TTC7B: variants seen among roughly 807,000 people sequenced by gnomAD.
The protein encoded by TTC7B is tetratricopeptide repeat domain 7B.
TTC7B carries 28 observed loss-of-function variants against 106.8 expected under a neutral mutation model. The ratio of observed to expected loss-of-function variants is 0.26; its 90% CI spans 0.19 to 0.36. The LOEUF is 0.36. Among genes scored for constraint, TTC7B ranks in the 10% least tolerant of loss-of-function variants. The probability of loss-of-function intolerance (pLI) is 1.00; values close to 1 mark genes in which losing one functional copy is unlikely to be tolerated. For missense variants in TTC7B, 862 were observed against 1,076.4 expected (o/e 0.80, Z 2.79); for synonymous variants, 405 against 430.6 (o/e 0.94, Z 0.74).
At chr14:90,644,917 T>G (rs1215300420) in intron 14 of TTC7B, 1 of 152,246 alleles carries the variant, frequency 6.6e-6, no homozygotes, top group Non-Finnish European at 1.5e-5. Flanking sequence ...AGACACATCC[T>G]GAACCTTTCA....
chr14:90,603,130 C>T (rs773523055), intron 17 of TTC7B: 8 of 588,694 alleles, frequency 1.4e-5, no homozygotes, highest in Non-Finnish European at 2.1e-5. Context: ...AGGCAGGTGG[C>T]AGAGGGATGT....
At chr14:90,634,336 A>T (rs1481424163) in intron 15 of TTC7B, among the ~76,000 whole-genome samples, 1 of 152,224 alleles carries the variant, frequency 6.6e-6, no homozygotes, top group African/African-American at 2.4e-5. Flanking sequence ...CAACAAAACG[A>T]CAAGACACAT....
chr14:90,694,654 ATATT>A (rs950639059), intron 6 of TTC7B, among the ~76,000 whole-genome samples: 11 of 141,980 alleles, frequency 7.7e-5, no homozygotes, highest in African/African-American at 2.3e-4. Flanking sequence ...TATGTCACAT[ATATT>A]TATTATAAAT....
At chr14:90,776,086 C>T (rs1313107863) in intron 3 of TTC7B, among the ~76,000 whole-genome samples, 1 of 151,000 alleles carries the variant, frequency 6.6e-6, no homozygotes, top group Non-Finnish European at 1.5e-5. Flanking sequence ...GCAAGTAGCC[C>T]TGTTATAGTA....
In TTC7B at chr14:90,558,645, C is replaced by T. The variant is rs533315969; in HGVS notation, c.2311-17056G>A. Among the ~76,000 whole-genome samples the T allele has an allele frequency of 2.1e-4, 32 of 152,274 alleles. No homozygotes were observed. The South Asian group carries it at 5.8e-3, about 28-fold the overall frequency. ...TGATAGGCCTTGGAAAATTTTTTTC[C>T]ACAAATAACAAGAGAATTCACAGCC... On this transcript the variant is annotated intron_variant, in intron 19 of 19. Coordinates refer to ENST00000328459, the MANE Select transcript of TTC7B (RefSeq NM_001010854.2).
At chr14:90,686,973 T>C (rs1484786053) in intron 7 of TTC7B, among the ~76,000 whole-genome samples, 3 of 151,394 alleles carry the variant, frequency 2.0e-5, no homozygotes, top group East Asian at 1.9e-4. Flanking sequence ...ATGCAATTCC[T>C]ATTAAAATCC....
chr14:90,562,551 T>C lies in TTC7B; in HGVS notation c.2310+15555A>G, dbSNP rs147774500. 1.1e-4 allele frequency among the ~76,000 whole-genome samples: 16 copies of C among 152,336 alleles called. 1 individual carries two copies. The highest frequency in any genetic ancestry group is 2.1e-4 in the South Asian group (1 of 4,832). On this transcript the variant is annotated intron_variant, in intron 19 of 19. Transcript: ENST00000328459. ...ACCTGCAGAAAAGCAGCTAACAAAA[T>C]GGACATCTCTAGACCTACCACCTAC...
Position 90,735,108 on chromosome 14 carries a change from C to A in TTC7B, c.577-4912G>T, listed in dbSNP as rs75646881. Among the ~76,000 whole-genome samples, 577 of 152,240 alleles carry A rather than the reference C, an allele frequency of 3.8e-3. 2 individuals carry two copies. Among genetic ancestry groups the A allele is most frequent in the African/African-American group, 0.013 (559 of 41,532 alleles). On this transcript the variant is annotated intron_variant, in intron 4 of 19. Transcript: ENST00000328459. ...GCTCTGTGACATACCCATTCTAGTG[C>A]CCCTGCAGTCAAACAGTATCCAGAA... is the stretch of plus-strand genomic sequence containing the variant.
intron 19 of TTC7B, among the ~76,000 whole-genome samples, chr14:90,553,164 C>T (rs1270456781): frequency 6.6e-6 from 1 of 152,188 alleles, no homozygotes; most frequent in Non-Finnish European, 1.5e-5. Flanking sequence ...CCAAGGGCTG[C>T]AGCACAGCCA....
chr14:90,608,138 G>A lies in TTC7B; in HGVS notation c.1966+2604C>T, dbSNP rs1377343481. ...TGAATGACAGCATCTGCCCCTTCTTGACTGCACCATGAGCTGAACCATATG... is the reference window on the plus strand; with the variant it reads ...TGAATGACAGCATCTGCCCCTTCTTAACTGCACCATGAGCTGAACCATATG... On this transcript the variant is annotated intron_variant, in intron 17 of 19. Transcript: ENST00000328459. The surrounding 1 kb of genome is among the most constrained non-coding windows in gnomAD (Gnocchi z 5.1). Among the ~76,000 whole-genome samples the A allele has an allele frequency of 5.9e-5, 9 of 152,236 alleles. 1 individual carries two copies. Among genetic ancestry groups the A allele is most frequent in the Admixed American group, 4.6e-4 (7 of 15,288 alleles).
chr14:90,669,835 T>C (rs1300139728), intron 9 of TTC7B, among the ~76,000 whole-genome samples: 2 of 152,264 alleles, frequency 1.3e-5, no homozygotes, highest in East Asian at 3.9e-4. Context: ...GGTAGGAATG[T>C]AAAAATGGTA....
intron 1 of TTC7B, among the ~76,000 whole-genome samples, chr14:90,787,683 A>G (rs1746536329): frequency 6.6e-6 from 1 of 152,212 alleles, no homozygotes. Flanking sequence ...AGCCTTTTCC[A>G]CATGTTCTGA....
intron 5 of TTC7B, among the ~76,000 whole-genome samples, chr14:90,717,338 C>CA (rs560270175): frequency 4.5e-3 from 369 of 82,866 alleles, no homozygotes; most frequent in Middle Eastern, 6.9e-3. Context: ...GACTCCATCT[C>CA]AAAAAAAAAA....
intron 1 of TTC7B, among the ~76,000 whole-genome samples, chr14:90,795,853 G>C (rs1214134664): frequency 6.6e-6 from 1 of 152,172 alleles, no homozygotes; most frequent in Non-Finnish European, 1.5e-5. Context: ...GTCATTAATA[G>C]CCCAGCCATG....
At chr14:90,626,869 G>A (rs935300654) in intron 15 of TTC7B, among the ~76,000 whole-genome samples, 4 of 152,150 alleles carry the variant, frequency 2.6e-5, no homozygotes, top group African/African-American at 7.2e-5. Flanking sequence ...TCCTAAGCGC[G>A]TCTTCTCTAG....
intron 17 of TTC7B, chr14:90,602,003 T>C: frequency 2.5e-6 from 1 of 399,312 alleles, no homozygotes; most frequent in Non-Finnish European, 5.0e-6. Context: ...CACCAACACA[T>C]ACCTCTTTTC....
intron 3 of TTC7B, among the ~76,000 whole-genome samples, chr14:90,755,813 C>A (rs1442875029): frequency 2.6e-5 from 4 of 152,252 alleles, no homozygotes; most frequent in African/African-American, 9.6e-5. Flanking sequence ...CCTCATCAAG[C>A]GAATGAGCAA....
chr14:90,599,450 C>T (rs149895075), intron 17 of TTC7B, among the ~76,000 whole-genome samples: 6 of 152,318 alleles, frequency 3.9e-5, no homozygotes, highest in African/African-American at 1.4e-4. Flanking sequence ...AGCCACATTA[C>T]ATGACGTGTG....
intron 2 of TTC7B, among the ~76,000 whole-genome samples, chr14:90,784,760 T>C (rs1735954562): frequency 1.3e-5 from 2 of 152,052 alleles, no homozygotes; most frequent in African/African-American, 2.4e-5. Context: ...CTGGGATCCC[T>C]ATGCTGAGCT....
Sources: gnomAD v4.1 joint callset for allele counts (sites outside exome capture counted in the v4.1 genomes callset) on GRCh38, gnomAD v4.1.1 for gene constraint, Gnocchi (gnomAD v3.1) non-coding constraint, MANE v1.5 for transcripts, NCBI Gene and HGNC (gene_info 2026-07-23, HGNC 2026-07-21) for gene names.